The following CHRM3 variants were observed in gnomAD, a reference collection of about 807,000 sequenced individuals.
The protein encoded by CHRM3 is cholinergic receptor muscarinic 3, also known as muscarinic acetylcholine receptor M3.
In CHRM3, 11 loss-of-function variants were observed where a neutral mutation model predicts 41.8. The ratio of observed to expected loss-of-function variants is 0.26; its 90% CI spans 0.17 to 0.44. The LOEUF (loss-of-function observed/expected upper bound fraction) is 0.44, where lower values mean the gene tolerates loss of function less well. Among genes scored for constraint, CHRM3 ranks in the 20% least tolerant of loss-of-function variants. The pLI is 1.00. For synonymous variants in CHRM3, 297 were observed against 301.4 expected (o/e 0.99, Z 0.15); for missense variants, 571 against 745.4 (o/e 0.77, Z 2.72).
intron 1 of CHRM3, among the ~76,000 whole-genome samples, chr1:239,468,822 G>A (rs1217069016): frequency 2.0e-5 from 3 of 152,082 alleles, no homozygotes; most frequent in South Asian, 4.1e-4. Context: ...ATGTGGCTCC[G>A]TAAGTCCACT....
chr1:239,808,633 C>T (rs1318174438), intron 5 of CHRM3, among the ~76,000 whole-genome samples: 4 of 152,164 alleles, frequency 2.6e-5, no homozygotes, highest in East Asian at 1.9e-4. Context: ...TAAGCCCTAC[C>T]GCTTCCTATA....
At chr1:239,563,850 G>A (rs1661112092) in intron 3 of CHRM3, among the ~76,000 whole-genome samples, 1 of 152,148 alleles carries the variant, frequency 6.6e-6, no homozygotes, top group African/African-American at 2.4e-5. Flanking sequence ...TGAAATAAGA[G>A]TTTTGGAGTA....
intron 2 of CHRM3, among the ~76,000 whole-genome samples, chr1:239,545,270 T>C (rs1659180703): frequency 6.6e-6 from 1 of 152,128 alleles, no homozygotes; most frequent in Non-Finnish European, 1.5e-5. Context: ...AAATAGGAGC[T>C]AGGCTATGGG....
At chr1:239,762,825 A>G (rs971495467) in intron 5 of CHRM3, among the ~76,000 whole-genome samples, 6 of 152,250 alleles carry the variant, frequency 3.9e-5, no homozygotes, top group Non-Finnish European at 5.9e-5. Flanking sequence ...GCCACATGTC[A>G]TCATAAAAAT....
intron 3 of CHRM3, among the ~76,000 whole-genome samples, chr1:239,552,246 A>G (rs1449051369): frequency 6.8e-6 from 1 of 147,716 alleles, no homozygotes; most frequent in African/African-American, 2.5e-5. Flanking sequence ...TATCATATAT[A>G]TGTATAGATG....
chr1:239,868,259 G>A (rs1472944132), intron 6 of CHRM3, among the ~76,000 whole-genome samples: 1 of 152,160 alleles, frequency 6.6e-6, no homozygotes, highest in Non-Finnish European at 1.5e-5. Context: ...GTGACCTTCG[G>A]TGACAATGCT....
At chr1:239,394,990 T>C (rs1056634295) in intron 1 of CHRM3, among the ~76,000 whole-genome samples, 1 of 152,196 alleles carries the variant, frequency 6.6e-6, no homozygotes, top group Admixed American at 6.5e-5. Context: ...ATGAGGTTTA[T>C]AGCAATGACT....
At chr1:239,577,070 A>C (rs1259879123) in intron 3 of CHRM3, among the ~76,000 whole-genome samples, 2 of 152,148 alleles carry the variant, frequency 1.3e-5, no homozygotes, top group Non-Finnish European at 2.9e-5. Context: ...GGAGTATTAT[A>C]AACTTTATCT....
chr1:239,785,926 A>T (rs1198399929), intron 5 of CHRM3, among the ~76,000 whole-genome samples: 1 of 152,142 alleles, frequency 6.6e-6, no homozygotes, highest in Non-Finnish European at 1.5e-5. Flanking sequence ...TATGTGTTTA[A>T]AATTCTGTCC....
At chr1:239,834,358 G>A (rs1334291296) in intron 6 of CHRM3, among the ~76,000 whole-genome samples, 4 of 144,558 alleles carry the variant, frequency 2.8e-5, no homozygotes, top group African/African-American at 7.9e-5. Flanking sequence ...TGTCCCCCAG[G>A]CTGGAGTGCG....
At chr1:239,451,205 A>G (rs1419496880) in intron 1 of CHRM3, among the ~76,000 whole-genome samples, 1 of 152,164 alleles carries the variant, frequency 6.6e-6, no homozygotes, top group African/African-American at 2.4e-5. Flanking sequence ...GGCTGTCCCT[A>G]AAAACAAAAG....
At chr1:239,807,233 A>G (rs1670728201) in intron 5 of CHRM3, among the ~76,000 whole-genome samples, 1 of 152,234 alleles carries the variant, frequency 6.6e-6, no homozygotes, top group East Asian at 1.9e-4. Context: ...CATTAGAGAA[A>G]GAAAAGTAGC....
At chr1:239,675,264 C>T (rs1657875808) in intron 4 of CHRM3, among the ~76,000 whole-genome samples, 1 of 152,174 alleles carries the variant, frequency 6.6e-6, no homozygotes, top group Admixed American at 6.5e-5. Flanking sequence ...TTCGTACAGT[C>T]CAATTTCTCT....
intron 6 of CHRM3, among the ~76,000 whole-genome samples, chr1:239,901,195 T>C (rs1679526781): frequency 6.6e-6 from 1 of 152,196 alleles, no homozygotes; most frequent in East Asian, 1.9e-4. Context: ...CGACCTCTTT[T>C]TCCTCCAACC....
At chr1:239,476,967 A>T (rs1666509395) in intron 1 of CHRM3, among the ~76,000 whole-genome samples, 1 of 152,214 alleles carries the variant, frequency 6.6e-6, no homozygotes, top group Admixed American at 6.5e-5. Context: ...CACTACAAGG[A>T]CAATATTGGA....
At position 239,410,827 on chromosome 1, in the gene CHRM3, C is replaced by A. The variant is rs771240468; in HGVS notation, c.-521+23600C>A. On this transcript the variant is annotated intron_variant, in intron 1 of 6. Transcript: ENST00000676153. ...TGCCCCTTCATGCTTAGTTTCCAAG[C>A]GGTTGAAAAGATCAATATATTTTTC... Among the ~76,000 whole-genome samples the A allele has an allele frequency of 7.2e-5, 11 of 152,256 alleles. No individual in the cohort carries two copies. The South Asian group carries it at 1.7e-3, about 23-fold the overall frequency.
At chr1:239,735,556 T>C (rs1019882) in intron 5 of CHRM3, among the ~76,000 whole-genome samples, 51,623 of 152,048 alleles carry the variant, frequency 0.34, 10,428 homozygotes, top group Middle Eastern at 0.49. Flanking sequence ...TTCATTAATT[T>C]TGAATCAAAT....
chr1:239,431,676 C>T (rs905530197), intron 1 of CHRM3, among the ~76,000 whole-genome samples: 4 of 152,114 alleles, frequency 2.6e-5, no homozygotes, highest in African/African-American at 9.7e-5. Context: ...TCATTTAGTG[C>T]TTATTAAGTG....
At chr1:239,680,158 A>C (rs1383415523) in intron 5 of CHRM3, among the ~76,000 whole-genome samples, 2 of 152,038 alleles carry the variant, frequency 1.3e-5, no homozygotes, top group Admixed American at 1.3e-4. Context: ...TCTTATTTCT[A>C]TTCTTGTCCT....
Sources: gnomAD v4.1 joint callset for allele counts (sites outside exome capture counted in the v4.1 genomes callset) on GRCh38, gnomAD v4.1.1 for gene constraint, MANE v1.5 for transcripts, NCBI Gene and HGNC (gene_info 2026-07-23, HGNC 2026-07-21) for gene names.